The following PCDH9 variants were observed in gnomAD, a reference collection of about 807,000 sequenced individuals.
PCDH9 encodes protocadherin-9.
A neutral mutation model predicts 70.6 loss-of-function variants in PCDH9; 24 were observed. That is an observed-to-expected ratio of 0.34 (90% CI 0.25 to 0.48). PCDH9 has a LOEUF of 0.48. Among genes scored for constraint, PCDH9 ranks in the 20% least tolerant of loss-of-function variants. The pLI, the probability that PCDH9 is intolerant of heterozygous loss-of-function variation, is 0.99. For synonymous variants in PCDH9, 562 were observed against 558.5 expected (o/e 1.01, Z -0.09); for missense variants, 1,281 against 1,503.6 (o/e 0.85, Z 2.45).
At chr13:66,794,722 ACT>A (rs1341564418) in intron 3 of PCDH9, among the ~76,000 whole-genome samples, 34 of 151,550 alleles carry the variant, frequency 2.2e-4, no homozygotes, top group Non-Finnish European at 3.2e-4. Flanking sequence ...CAGCCTGTTA[ACT>A]CTCTTTTTCA....
At chr13:66,722,713 A>G (rs2078957147) in intron 3 of PCDH9, among the ~76,000 whole-genome samples, 1 of 152,156 alleles carries the variant, frequency 6.6e-6, no homozygotes, top group South Asian at 2.1e-4. Flanking sequence ...CACGCCTGTA[A>G]TCCCAGCACT....
chr13:66,569,092 C>G (rs2076696268), intron 4 of PCDH9, among the ~76,000 whole-genome samples: 1 of 144,278 alleles, frequency 6.9e-6, no homozygotes, highest in Admixed American at 7.3e-5. Flanking sequence ...ACCTCCACTT[C>G]TTGAGTTCAA....
At chr13:67,127,834 G>A (rs1332369745) in intron 2 of PCDH9, among the ~76,000 whole-genome samples, 1 of 151,778 alleles carries the variant, frequency 6.6e-6, no homozygotes, top group African/African-American at 2.4e-5. Flanking sequence ...ACTGGAGATG[G>A]GAGCACTTTT....
chr13:66,590,790 G>C (rs558369451), intron 4 of PCDH9, among the ~76,000 whole-genome samples: 1 of 151,764 alleles, frequency 6.6e-6, no homozygotes, highest in East Asian at 1.9e-4. Flanking sequence ...TAACTCCCTA[G>C]ACTTAAAAAA....
chr13:67,143,097 T>A (rs1229139375), intron 2 of PCDH9, among the ~76,000 whole-genome samples: 1 of 151,994 alleles, frequency 6.6e-6, no homozygotes, highest in Admixed American at 6.6e-5. Flanking sequence ...CAAAATGAAA[T>A]GAGAAAACAG....
At chr13:66,835,389 A>G (rs769233536) in intron 3 of PCDH9, among the ~76,000 whole-genome samples, 15 of 145,970 alleles carry the variant, frequency 1.0e-4, no homozygotes, top group Non-Finnish European at 1.5e-4. Context: ...TAAATCTTCC[A>G]AAGTGTCCCC....
In PCDH9 at chr13:67,080,989, C is replaced by G. The variant is rs114729208; in HGVS notation, c.3036+144416G>C. Among the ~76,000 whole-genome samples the G allele has an allele frequency of 7.5e-3, 1,143 of 152,188 alleles. 18 individuals carry two copies. Among genetic ancestry groups the G allele is most frequent in the African/African-American group, 0.026 (1,062 of 41,532 alleles). On this transcript the variant is annotated intron_variant, in intron 2 of 4. Coordinates refer to ENST00000377865, the MANE Select transcript of PCDH9 (RefSeq NM_203487.3). ...AAAAGTGTAGCAACTTTTGGATTAG[C>G]AAACCATTAAACTTTTGCTTATCAA...
intron 3 of PCDH9, among the ~76,000 whole-genome samples, chr13:66,701,428 T>G (rs961232228): frequency 1.3e-5 from 2 of 152,176 alleles, no homozygotes; most frequent in South Asian, 2.1e-4. Flanking sequence ...TGTGCATATA[T>G]GCATATGTAC....
At chr13:67,106,625 C>T (rs112637041) in intron 2 of PCDH9, among the ~76,000 whole-genome samples, 227 of 152,308 alleles carry the variant, frequency 1.5e-3, no homozygotes, top group Middle Eastern at 6.8e-3. Context: ...CTTTGCACTC[C>T]GTGGAGCTAA....
At chr13:66,855,858 A>C (rs1262651554) in intron 3 of PCDH9, among the ~76,000 whole-genome samples, 1 of 151,982 alleles carries the variant, frequency 6.6e-6, no homozygotes, top group Non-Finnish European at 1.5e-5. Context: ...TACTTGTGTA[A>C]AAATGAGACA....
At chr13:66,402,129 T>C (rs948950256) in intron 4 of PCDH9, among the ~76,000 whole-genome samples, 8 of 152,230 alleles carry the variant, frequency 5.3e-5, no homozygotes, top group Admixed American at 2.0e-4. Context: ...TTCTCACAGA[T>C]GGCTTTCTGC....
intron 4 of PCDH9, among the ~76,000 whole-genome samples, chr13:66,586,287 G>T (rs747767595): frequency 3.2e-4 from 49 of 151,496 alleles, no homozygotes; most frequent in Non-Finnish European, 5.4e-4. Context: ...TGCACACATA[G>T]AGAGAGAGAT....
At chr13:66,796,679 G>T (rs543284691) in intron 3 of PCDH9, among the ~76,000 whole-genome samples, 1 of 152,058 alleles carries the variant, frequency 6.6e-6, no homozygotes. Flanking sequence ...ACAAGTATCT[G>T]TTGAGCTTCT....
chr13:67,097,865 T>C (rs1207082261), intron 2 of PCDH9, among the ~76,000 whole-genome samples: 1 of 152,168 alleles, frequency 6.6e-6, no homozygotes, highest in Non-Finnish European at 1.5e-5. Context: ...GCCATATAAA[T>C]ACGCTAAGTG....
At chr13:67,142,357 G>A (rs1330520081) in intron 2 of PCDH9, among the ~76,000 whole-genome samples, 1 of 152,068 alleles carries the variant, frequency 6.6e-6, no homozygotes, top group Non-Finnish European at 1.5e-5. Context: ...CTATGACAAA[G>A]GGCTCAAACT....
At chr13:67,031,050 T>C (rs1028541710) in intron 2 of PCDH9, among the ~76,000 whole-genome samples, 2 of 152,190 alleles carry the variant, frequency 1.3e-5, no homozygotes, top group Non-Finnish European at 2.9e-5. Context: ...CTACTAACTT[T>C]GTATTCAAAG....
intron 3 of PCDH9, among the ~76,000 whole-genome samples, chr13:66,716,965 C>A (rs908548059): frequency 6.6e-6 from 1 of 152,206 alleles, no homozygotes; most frequent in African/African-American, 2.4e-5. Context: ...TCAGAAAACC[C>A]AGATCTGTTC....
chr13:66,481,303 A>C (rs1958832292), intron 4 of PCDH9, among the ~76,000 whole-genome samples: 1 of 145,374 alleles, frequency 6.9e-6, no homozygotes, highest in Admixed American at 6.9e-5. Flanking sequence ...TAAAGTATTA[A>C]AAAAAAAAAA....
intron 4 of PCDH9, among the ~76,000 whole-genome samples, chr13:66,611,510 T>G (rs549914250): frequency 1.3e-5 from 2 of 152,296 alleles, no homozygotes; most frequent in East Asian, 3.9e-4. Flanking sequence ...TCCATGTCAC[T>G]ATTCAAAGCT....
Sources: gnomAD v4.1 joint callset for allele counts (sites outside exome capture counted in the v4.1 genomes callset) on GRCh38, gnomAD v4.1.1 for gene constraint, MANE v1.5 for transcripts, NCBI Gene and HGNC (gene_info 2026-07-23, HGNC 2026-07-21) for gene names.